The following RIMOC1 variants were observed in gnomAD, a reference collection of about 807,000 sequenced individuals.
RIMOC1 encodes the protein RAB7A interacting MON1-CCZ1 complex subunit 1, also known as RAB7A-interacting MON1-CCZ1 complex subunit 1.
the RIMOC1 span, chr5:41,920,850 A>AT: frequency 6.6e-6 from 1 of 152,164 alleles, no homozygotes; most frequent in African/African-American, 2.4e-5. Flanking sequence ...GATTTTGCTA[A>AT]TGGTTGAGTG....
chr5:41,906,910 T>C, the RIMOC1 span, among the ~76,000 whole-genome samples: 3 of 152,216 alleles, frequency 2.0e-5, no homozygotes, highest in East Asian at 5.8e-4. Flanking sequence ...AGGGAAGCAC[T>C]GAGAGGTAAA....
At chr5:41,914,712 G>T in the RIMOC1 span, among the ~76,000 whole-genome samples, 1 of 152,072 alleles carries the variant, frequency 6.6e-6, no homozygotes, top group Non-Finnish European at 1.5e-5. Context: ...TGAGGCTGCA[G>T]TGAGCCCTGA....
the RIMOC1 span, chr5:41,917,207 G>A: frequency 2.5e-6 from 4 of 1,613,610 alleles, no homozygotes; most frequent in East Asian, 2.2e-5. Flanking sequence ...GAAAAAGTAT[G>A]TATCTGTGTG....
At chr5:41,912,930 C>A in the RIMOC1 span, among the ~76,000 whole-genome samples, 4 of 152,364 alleles carry the variant, frequency 2.6e-5, no homozygotes, top group East Asian at 7.7e-4. Flanking sequence ...AGAGCTGGTA[C>A]AGTGGCTCCA....
the RIMOC1 span, chr5:41,918,351 T>C: frequency 2.0e-6 from 2 of 985,734 alleles, no homozygotes; most frequent in African/African-American, 1.7e-5. Context: ...TTCTCTCCTT[T>C]ATGCTCATTC....
At chr5:41,905,241 T>A in the RIMOC1 span, among the ~76,000 whole-genome samples, 22 of 152,374 alleles carry the variant, frequency 1.4e-4, no homozygotes, top group East Asian at 4.0e-3. Flanking sequence ...CTTAAGCGAT[T>A]GAATAGTTGG....
the RIMOC1 span, chr5:41,920,999 G>T: frequency 6.6e-6 from 1 of 152,300 alleles, no homozygotes; most frequent in Non-Finnish European, 1.5e-5. Flanking sequence ...GAATTTTTTT[G>T]ATGTTAACTA....
chr5:41,907,942 A>C, the RIMOC1 span: 1 of 715,780 alleles, frequency 1.4e-6, no homozygotes, highest in Non-Finnish European at 2.3e-6. Flanking sequence ...TTTATTCTAT[A>C]TTTCAAGTGT....
chr5:41,908,077 G>A, the RIMOC1 span, among the ~76,000 whole-genome samples: 3 of 152,192 alleles, frequency 2.0e-5, no homozygotes, highest in South Asian at 2.1e-4. Context: ...TACAGATAAC[G>A]GAATTGTTTT....
chr5:41,918,208 T>C, the RIMOC1 span: 4 of 985,908 alleles, frequency 4.1e-6, no homozygotes, highest in Non-Finnish European at 4.8e-6. Flanking sequence ...CCAGTGACTT[T>C]ATTACATTCC....
chr5:41,909,728 C>CTTTT, the RIMOC1 span: 6 of 1,249,328 alleles, frequency 4.8e-6, no homozygotes, highest in South Asian at 1.6e-5. Context: ...AGATATCTTT[C>CTTTT]TTTTTTTTTT....
the RIMOC1 span, among the ~76,000 whole-genome samples, chr5:41,916,787 G>A: frequency 6.6e-6 from 1 of 152,022 alleles, no homozygotes; most frequent in Non-Finnish European, 1.5e-5. Context: ...AAAATTCTCT[G>A]GTACTCTGTT....
At chr5:41,907,855 T>A in the RIMOC1 span, 10 of 1,515,694 alleles carry the variant, frequency 6.6e-6, no homozygotes, top group East Asian at 2.3e-4. Context: ...ACTGAAAGAG[T>A]GGTGGACTCT....
At chr5:41,911,047 G>T in the RIMOC1 span, 1 of 1,608,788 alleles carries the variant, frequency 6.2e-7, no homozygotes, top group Non-Finnish European at 8.5e-7. Context: ...GTGTGTTTCA[G>T]CACTGCAATT....
the RIMOC1 span, among the ~76,000 whole-genome samples, chr5:41,910,883 A>G: frequency 9.6e-3 from 1,468 of 152,296 alleles, 16 homozygotes; most frequent in Non-Finnish European, 0.013. Context: ...AGAATTGCAT[A>G]TTTATAATTG....
the RIMOC1 span, among the ~76,000 whole-genome samples, chr5:41,905,111 C>A: frequency 1.3e-5 from 2 of 152,226 alleles, no homozygotes; most frequent in African/African-American, 4.8e-5. Flanking sequence ...TACGTCTCAG[C>A]TGCCTTTAGG....
the RIMOC1 span, among the ~76,000 whole-genome samples, chr5:41,915,801 G>A: frequency 4.1e-3 from 629 of 152,280 alleles, 3 homozygotes; most frequent in African/African-American, 0.015. Context: ...GATGAGATTT[G>A]GATGGGGACA....
At chr5:41,908,831 G>T in the RIMOC1 span, among the ~76,000 whole-genome samples, 17,464 of 152,058 alleles carry the variant, frequency 0.11, 1,532 homozygotes, top group African/African-American at 0.24. Flanking sequence ...AAACCCTATT[G>T]ATGGTTCTGA....
chr5:41,915,341 G>A, the RIMOC1 span, among the ~76,000 whole-genome samples: 1 of 152,162 alleles, frequency 6.6e-6, no homozygotes, highest in Non-Finnish European at 1.5e-5. Context: ...ATCAGAGCTG[G>A]TATCACAAAA....
Sources: gnomAD v4.1 joint callset for allele counts (sites outside exome capture counted in the v4.1 genomes callset) on GRCh38, gnomAD v4.1.1 for gene constraint, MANE v1.5 for transcripts, NCBI Gene and HGNC (gene_info 2026-07-23, HGNC 2026-07-21) for gene names.